Variants in NFATC2 observed in about 807,000 individuals in gnomAD.
The protein encoded by NFATC2 is nuclear factor of activated T cells 2.
In NFATC2, 22 loss-of-function variants were observed where a neutral mutation model predicts 87.3. The ratio of observed to expected loss-of-function variants is 0.25; its 90% CI spans 0.18 to 0.36. NFATC2 has a LOEUF of 0.36. Among genes scored for constraint, NFATC2 ranks in the 10% least tolerant of loss-of-function variants. NFATC2 has a pLI of 1.00. For synonymous variants in NFATC2, 565 were observed against 542.2 expected (o/e 1.04, Z -0.58); for missense variants, 1,149 against 1,259.1 (o/e 0.91, Z 1.32).
rs1248640708 is a variant in NFATC2, at chr20:51,391,331, G to A, written c.*165C>T. Reference sequence around the variant, plus strand: ...GAGATGAACATGAAAGGAGACAGAAGGTGAGGGGCTGTGGAGGGCTCCGAG... The same window carrying A: ...GAGATGAACATGAAAGGAGACAGAAAGTGAGGGGCTGTGGAGGGCTCCGAG... On this transcript the variant is annotated 3_prime_UTR_variant, in exon 11 of 11. Coordinates refer to ENST00000371564, the MANE Select transcript of NFATC2 (RefSeq NM_012340.5). The A allele has an allele frequency of 7.9e-6, 12 of 1,514,832 alleles. No individual in the cohort carries two copies. Among genetic ancestry groups the A allele is most frequent in the Admixed American group, 3.3e-5 (2 of 59,890 alleles). 93.8% of individuals were successfully genotyped at this position (1,514,832 alleles called of 1,614,324 possible). A position where few individuals can be genotyped will look rare whatever the true frequency, so the allele number is the denominator to read the frequency against.
chr20:51,515,978 A>C (rs1296161129), intron 3 of NFATC2, among the ~76,000 whole-genome samples: 1 of 152,196 alleles, frequency 6.6e-6, no homozygotes, highest in African/African-American at 2.4e-5. Flanking sequence ...GCAAATACCA[A>C]AAAAAGTTAT....
chr20:51,460,016 T>C (rs1306507376), intron 5 of NFATC2, among the ~76,000 whole-genome samples: 1 of 152,240 alleles, frequency 6.6e-6, no homozygotes. Context: ...AAATTTTATG[T>C]GTATTTTACC....
At chr20:51,529,655 C>T (rs2146751458) in intron 1 of NFATC2, among the ~76,000 whole-genome samples, 1 of 152,222 alleles carries the variant, frequency 6.6e-6, no homozygotes, top group Non-Finnish European at 1.5e-5. Flanking sequence ...TTCCAAAAAG[C>T]TTGCTTTTTT....
intron 9 of NFATC2, among the ~76,000 whole-genome samples, chr20:51,418,493 A>G (rs1362114513): frequency 6.6e-6 from 1 of 152,204 alleles, no homozygotes; most frequent in Non-Finnish European, 1.5e-5. Context: ...AGTAGTGCTG[A>G]AGCTGAAAGA....
At chr20:51,444,672 G>A (rs372056232) in intron 6 of NFATC2, among the ~76,000 whole-genome samples, 8 of 152,168 alleles carry the variant, frequency 5.3e-5, no homozygotes, top group Admixed American at 1.3e-4. Flanking sequence ...TTAGGAAACC[G>A]CACATGATGC....
chr20:51,434,959 G>A (rs1175228658), intron 8 of NFATC2, among the ~76,000 whole-genome samples: 3 of 152,174 alleles, frequency 2.0e-5, no homozygotes, highest in Non-Finnish European at 4.4e-5. Context: ...GGCAATAAGA[G>A]CTAATATCAC....
intron 1 of NFATC2, among the ~76,000 whole-genome samples, chr20:51,561,448 A>AAAGG (rs1491318341): frequency 3.7e-3 from 376 of 102,956 alleles, no homozygotes; most frequent in Non-Finnish European, 6.5e-3. Flanking sequence ...AGAAAGAAAG[A>AAAGG]AAGAAAGAAA....
rs894200867 is a variant in NFATC2, at chr20:51,519,948, A to G, written c.1161-2993T>C. 2.0e-5 allele frequency among the ~76,000 whole-genome samples: 3 copies of G among 151,728 alleles called. No individual in the cohort carries two copies. The South Asian group carries it at 6.2e-4, about 32-fold the overall frequency. ...AAAAAAAAGAACAAAAAAGAAGTAG[A>G]GCATCAGAGCCAGCATGAAATTCTG... On this transcript the variant is annotated intron_variant, in intron 2 of 10. Coordinates refer to ENST00000371564, the MANE Select transcript of NFATC2 (RefSeq NM_012340.5).
chr20:51,398,568 C>CATACT (rs1428457566), intron 10 of NFATC2, 75 bp downstream of exon 10: 33 of 899,926 alleles, frequency 3.7e-5, no homozygotes, highest in Non-Finnish European at 3.2e-5. Flanking sequence ...TTATACTTTA[C>CATACT]TTAAAAAAAA....
rs566493501 is a variant in NFATC2, at chr20:51,473,639, C to A, written c.1708+341G>T. Among the ~76,000 whole-genome samples the A allele has an allele frequency of 7.2e-5, 11 of 152,324 alleles. No homozygotes were observed. The South Asian group carries it at 2.3e-3, about 32-fold the overall frequency. ...AAGGAAAAGAAAAAAGGGCACCATGCACAGCAAACTCACTCCAAATGCATC... is the reference window on the plus strand; with the variant it reads ...AAGGAAAAGAAAAAAGGGCACCATGAACAGCAAACTCACTCCAAATGCATC... On this transcript the variant is annotated intron_variant, in intron 5 of 10. Coordinates refer to ENST00000371564, the MANE Select transcript of NFATC2 (RefSeq NM_012340.5).
At position 51,523,384 on chromosome 20, in the gene NFATC2, T is replaced by A; in HGVS notation, c.857A>T (p.Gln286Leu). Residue 286 changes from glutamine to leucine, a missense_variant, in exon 2 of 11, where the codon CAG becomes CTG. Coordinates refer to ENST00000371564, the MANE Select transcript of NFATC2 (RefSeq NM_012340.5). The surrounding 1 kb of genome is among the most constrained non-coding windows in gnomAD (Gnocchi z 6.9). ...SPQPSSHVAPQDHGSPAGYPP... is the reference protein window; with the variant it reads ...SPQPSSHVAPLDHGSPAGYPP... ...GTACCCAGCCGGGGAGCCGTGGTCCTGGGGTGCCACGTGAGATGAGGGCTG... is the reference window on the plus strand; with the variant it reads ...GTACCCAGCCGGGGAGCCGTGGTCCAGGGGTGCCACGTGAGATGAGGGCTG... 1 of 1,610,702 alleles carries A rather than the reference T, an allele frequency of 6.2e-7. No homozygotes were observed. The highest frequency in any genetic ancestry group is 8.5e-7 in the Non-Finnish European group (1 of 1,178,300).
chr20:51,418,400 CA>C lies in NFATC2; in HGVS notation c.2722+13666del, dbSNP rs536499368. ...TCTGGGGTGCTACTGGCATCCGGTGCATTGAGGCCAGGAACGCTGGTACACA... is the reference window on the plus strand; with the variant it reads ...TCTGGGGTGCTACTGGCATCCGGTGCTTGAGGCCAGGAACGCTGGTACACA... On this transcript the variant is annotated intron_variant, in intron 9 of 10. Transcript: ENST00000371564. 1.7e-3 allele frequency among the ~76,000 whole-genome samples: 252 copies of C among 152,350 alleles called. 1 individual carries two copies. Among genetic ancestry groups the C allele is most frequent in the Non-Finnish European group, 3.0e-3 (203 of 68,032 alleles).
At chr20:51,423,705 G>A (rs1306947836) in intron 9 of NFATC2, among the ~76,000 whole-genome samples, 1 of 152,182 alleles carries the variant, frequency 6.6e-6, no homozygotes, top group Non-Finnish European at 1.5e-5. Context: ...CAGATGACTG[G>A]GAGCCCACGA....
At chr20:51,518,317 C>A (rs1055827641) in intron 2 of NFATC2, among the ~76,000 whole-genome samples, 16 of 152,138 alleles carry the variant, frequency 1.1e-4, no homozygotes, top group Admixed American at 1.3e-4. Context: ...CTGCTAGGAG[C>A]TGACACTATC....
chr20:51,488,159 A>C (rs148566180), intron 3 of NFATC2, among the ~76,000 whole-genome samples: 38 of 152,144 alleles, frequency 2.5e-4, no homozygotes, highest in Non-Finnish European at 1.8e-4. Context: ...TCCTCCGTTT[A>C]GTCATTCACG....
chr20:51,466,966 G>T (rs930657882), intron 5 of NFATC2, among the ~76,000 whole-genome samples: 1 of 150,648 alleles, frequency 6.6e-6, no homozygotes, highest in Non-Finnish European at 1.5e-5. Context: ...CAGCTACTCG[G>T]GAGGCTGAGG....
chr20:51,392,837 C>T (rs1261910346), intron 10 of NFATC2, among the ~76,000 whole-genome samples: 1 of 152,210 alleles, frequency 6.6e-6, no homozygotes, highest in African/African-American at 2.4e-5. Flanking sequence ...TGGAAAACCC[C>T]TGCCCAGATG....
chr20:51,539,925 C>G (rs1182537195), intron 1 of NFATC2, among the ~76,000 whole-genome samples: 1 of 152,154 alleles, frequency 6.6e-6, no homozygotes, highest in Non-Finnish European at 1.5e-5. Context: ...TGTAGTAATG[C>G]CTTCCAAAGA....
At chr20:51,494,700 G>T (rs991912046) in intron 3 of NFATC2, among the ~76,000 whole-genome samples, 2 of 152,202 alleles carry the variant, frequency 1.3e-5, no homozygotes, top group Admixed American at 1.3e-4. Context: ...GTGGCAGAGA[G>T]GTGACAGGCT....
Sources: gnomAD v4.1 joint callset for allele counts (sites outside exome capture counted in the v4.1 genomes callset) on GRCh38, gnomAD v4.1.1 for gene constraint, Gnocchi (gnomAD v3.1) non-coding constraint, MANE v1.5 for transcripts, NCBI Gene and HGNC (gene_info 2026-07-23, HGNC 2026-07-21) for gene names.